The following COCH variants were observed in gnomAD, a reference collection of about 807,000 sequenced individuals.
The protein encoded by COCH is cochlin.
Under a neutral mutation model 54.8 loss-of-function variants are expected in COCH, and 40 were observed. The ratio of observed to expected loss-of-function variants is 0.73; its 90% confidence interval spans 0.57 to 0.95. COCH has a LOEUF of 0.95. COCH is among the 40% of genes least tolerant of loss of function. The pLI is 0.00. For missense variants in COCH, 605 were observed against 675.0 expected (o/e 0.90, Z 1.15); for synonymous variants, 256 against 237.9 (o/e 1.08, Z -0.70).
chr14:30,882,384 A>C (rs7147049), intron 8 of COCH, among the ~76,000 whole-genome samples: 55,503 of 151,212 alleles, frequency 0.37, 11,262 homozygotes, highest in African/African-American at 0.56. Context: ...CCTGCCTCGG[A>C]CTCCCAAAGT....
In COCH at chr14:30,877,802, T is replaced by C. The variant is rs760367286; in HGVS notation, c.239+74T>C. The C allele has an allele frequency of 1.7e-5, 28 of 1,601,016 alleles. No homozygotes were observed. In the Admixed American group the frequency reaches 2.4e-4, roughly 14 times the overall value. On this transcript the variant is annotated intron_variant, in intron 4 of 11. Transcript: ENST00000396618. This position sits in a 1 kb window ranked among gnomAD's most constrained non-coding sequence, Gnocchi z 8.6. ...TCCTTTCCTGCTTTACCCATCTGGA[T>C]CCCTTTCCTCCCTGCATTCTTTCTT...
intron 8 of COCH, among the ~76,000 whole-genome samples, chr14:30,882,578 C>T (rs1470404616): frequency 6.6e-6 from 1 of 152,020 alleles, no homozygotes; most frequent in African/African-American, 2.4e-5. Flanking sequence ...TCATAATATT[C>T]CGCTGCATGA....
chr14:30,884,713 C>A, intron 9 of COCH, 57 bp downstream of exon 9: 1 of 1,380,990 alleles, frequency 7.2e-7, no homozygotes, highest in Non-Finnish European at 1.0e-6. Context: ...AGTGATCAGA[C>A]ATGTAAAACA....
In COCH at chr14:30,877,737, A is replaced by G. The variant is rs773492298; in HGVS notation, c.239+9A>G. ...GGGGCTGCTGTCCACAGGTAAGCCC[A>G]AACACACCAGGGTGGGAGAGAAATG... is the stretch of plus-strand genomic sequence containing the variant. On this transcript the variant is annotated intron_variant, in intron 4 of 11. Transcript: ENST00000396618. This position sits in a 1 kb window ranked among gnomAD's most constrained non-coding sequence, Gnocchi z 8.6. The G allele has an allele frequency of 6.2e-7, 1 of 1,614,054 alleles. No homozygotes were observed. Among genetic ancestry groups the G allele is most frequent in the Non-Finnish European group, 8.5e-7 (1 of 1,180,046 alleles).
At chr14:30,894,386 T>C (rs1190257586), downstream of COCH, 3 of 152,748 alleles carry the variant, frequency 2.0e-5, no homozygotes, top group Middle Eastern at 3.4e-3. Flanking sequence ...AAAATAGATA[T>C]ACAGGTTCCT....
chr14:30,878,984 AC>A, intron 5 of COCH, 40 bp downstream of exon 5: 4 of 1,610,858 alleles, frequency 2.5e-6, no homozygotes, highest in Non-Finnish European at 2.5e-6. Flanking sequence ...ATATTCTCCC[AC>A]CCCCCAAACG....
downstream of COCH, chr14:30,894,302 G>GA (rs1259537186): frequency 1.3e-5 from 2 of 152,320 alleles, no homozygotes; most frequent in African/African-American, 2.4e-5. Flanking sequence ...ATCTTAGGGG[G>GA]AACCACCTTG....
At chr14:30,895,499 T>C (rs751562017), downstream of COCH, 1 of 1,614,138 alleles carries the variant, frequency 6.2e-7, no homozygotes, top group Admixed American at 1.7e-5. Flanking sequence ...AATTGATTCA[T>C]CCAATTTCTT....
intron 9 of COCH, chr14:30,885,060 A>C (rs1195703478): frequency 6.3e-7 from 1 of 1,588,396 alleles, no homozygotes; most frequent in Admixed American, 1.8e-5. Flanking sequence ...CAGTCACCAA[A>C]GGGCTACATA....
rs140108742 is a variant in COCH, at chr14:30,885,987, C to T, written c.1152C>T (p.Arg384=). The T allele has an allele frequency of 9.3e-6, 15 of 1,614,070 alleles. No individual in the cohort carries two copies. The highest frequency in any genetic ancestry group is 2.7e-5 in the African/African-American group (2 of 74,912). Residue 384 remains arginine (R), a synonymous_variant, in exon 11 of 12, where the codon CGC becomes CGT. Transcript: ENST00000396618. ...GSSSVGDSNF[R]LMLEFVSNIA... ...GCAGTGTTGGAGATAGCAATTTCCGCCTCATGCTTGAATTTGTTTCCAACA... is the reference window on the plus strand; with the variant it reads ...GCAGTGTTGGAGATAGCAATTTCCGTCTCATGCTTGAATTTGTTTCCAACA...
chr14:30,889,343 A>T (rs764195807), intron 11 of COCH: 484 of 420,412 alleles, frequency 1.2e-3, no homozygotes, highest in Non-Finnish European at 1.9e-3. Context: ...ATTAATGGAT[A>T]TTGAACTTTA....
chr14:30,884,930 C>T (rs1293928348), intron 9 of COCH: 2 of 1,596,626 alleles, frequency 1.3e-6, no homozygotes, highest in African/African-American at 1.3e-5. Context: ...GGAGAAGTAT[C>T]TCTTTGTAAT....
chr14:30,890,176 A>G lies in COCH; in HGVS notation c.*385A>G. ...TCTCTAACCATTCTGTATTGATTAT[A>G]TAAGCAAAATGAAAAGAGAAACTTA... On this transcript the variant is annotated 3_prime_UTR_variant, in exon 12 of 12. Transcript: ENST00000396618. 2.0e-6 allele frequency: 2 copies of G among 992,222 alleles called. No homozygotes were observed. Among genetic ancestry groups the G allele is most frequent in the Non-Finnish European group, 2.4e-6 (2 of 833,770 alleles). 61.5% of individuals were successfully genotyped at this position (992,222 alleles called of 1,614,324 possible).
intron 10 of COCH, 61 bp from the exon 11 acceptor site, chr14:30,885,735 G>A: frequency 6.2e-7 from 1 of 1,601,694 alleles, no homozygotes; most frequent in Non-Finnish European, 8.6e-7. Flanking sequence ...GGATTTTCCA[G>A]TTTTTAAGAA....
chr14:30,884,495 T>C (rs1390374545), intron 8 of COCH, 58 bp from the exon 9 acceptor site: 4 of 1,177,546 alleles, frequency 3.4e-6, no homozygotes, highest in Non-Finnish European at 3.8e-6. Flanking sequence ...AGGCATGTAA[T>C]GTTGCTTATT....
chr14:30,888,601 A>C (rs187128129), intron 11 of COCH, among the ~76,000 whole-genome samples: 2 of 152,180 alleles, frequency 1.3e-5, no homozygotes, highest in Admixed American at 1.3e-4. Flanking sequence ...AGCCTGAACA[A>C]CATGGTGAAA....
intron 3 of COCH, 185 bp downstream of exon 3, chr14:30,875,288 T>C: frequency 1.2e-6 from 1 of 858,646 alleles, no homozygotes; most frequent in Non-Finnish European, 1.8e-6. Flanking sequence ...TGCTCACCTG[T>C]TTCTCCCATG....
chr14:30,878,116 C>T (rs540346959), intron 4 of COCH, among the ~76,000 whole-genome samples: 3 of 152,208 alleles, frequency 2.0e-5, no homozygotes, highest in Admixed American at 2.0e-4. Flanking sequence ...AGTATCTTGC[C>T]CAAGGTGACT....
downstream of COCH, chr14:30,890,674 T>C (rs1481641356): frequency 1.7e-6 from 1 of 605,520 alleles, no homozygotes; most frequent in Non-Finnish European, 2.1e-6. Flanking sequence ...TAAAAATTCA[T>C]GTGGAAAGAC....
Sources: gnomAD v4.1 joint callset for allele counts (sites outside exome capture counted in the v4.1 genomes callset) on GRCh38, gnomAD v4.1.1 for gene constraint, Gnocchi (gnomAD v3.1) non-coding constraint, MANE v1.5 for transcripts, NCBI Gene and HGNC (gene_info 2026-07-23, HGNC 2026-07-21) for gene names.